The following XRN1 variants were observed in gnomAD, a reference collection of about 807,000 sequenced individuals.
XRN1 encodes the protein 5'-3' exoribonuclease 1, also known as strand-exchange protein 1 homolog.
XRN1 carries 67 observed loss-of-function variants against 222.3 expected under a neutral mutation model. The observed-to-expected ratio is 0.30, with a 90% CI of 0.25 to 0.37. The LOEUF (loss-of-function observed/expected upper bound fraction) is 0.37, where lower values mean the gene tolerates loss of function less well. Ranked by LOEUF, XRN1 falls within the 10% of genes least tolerant of loss-of-function variation. XRN1 has a pLI of 1.00. For missense variants in XRN1, 1,707 were observed against 2,000.2 expected, an observed-to-expected ratio of 0.85 and a Z score of 2.80; for synonymous variants, 643 against 652.4, an observed-to-expected ratio of 0.99 and a Z score of 0.22.
At chr3:142,433,056 T>C (rs1295579784) in intron 1 of XRN1, among the ~76,000 whole-genome samples, 163 bp from the exon 2 acceptor site, 2 of 152,166 alleles carry the variant, frequency 1.3e-5, no homozygotes, top group Non-Finnish European at 2.9e-5. Context: ...AAGTAAAGAA[T>C]TGGTAATATG....
At chr3:142,389,934 GA>G (rs1203186947) in intron 20 of XRN1, among the ~76,000 whole-genome samples, 1 of 152,216 alleles carries the variant, frequency 6.6e-6, no homozygotes, top group Non-Finnish European at 1.5e-5. Context: ...TTGCATGTGT[GA>G]AAACATTATC....
chr3:142,425,181 C>T (rs2069195189), intron 5 of XRN1, 41 bp downstream of exon 5: 1 of 1,341,726 alleles, frequency 7.5e-7, no homozygotes, highest in Admixed American at 2.5e-5. Context: ...AGATATTTAA[C>T]TATCAATGCA....
intron 22 of XRN1, 91 bp from the exon 23 acceptor site, chr3:142,380,271 G>C: frequency 9.5e-7 from 1 of 1,050,752 alleles, no homozygotes; most frequent in Non-Finnish European, 1.4e-6. Flanking sequence ...AATACAGTAT[G>C]ACAAGTTGGA....
At chr3:142,348,576 C>T (rs1175023549) in intron 32 of XRN1, among the ~76,000 whole-genome samples, 1 of 152,160 alleles carries the variant, frequency 6.6e-6, no homozygotes, top group Admixed American at 6.5e-5. Context: ...GAAGTGGAGG[C>T]TAGAGAAGGT....
At chr3:142,395,384 C>T (rs2067890539) in intron 20 of XRN1, among the ~76,000 whole-genome samples, 1 of 152,234 alleles carries the variant, frequency 6.6e-6, no homozygotes, top group Non-Finnish European at 1.5e-5. Context: ...ACAGGACAGC[C>T]TGAATTGGCA....
rs113215937 is a variant in XRN1, at chr3:142,406,090, T to C, written c.1714-1014A>G. 2.4e-3 allele frequency among the ~76,000 whole-genome samples: 358 copies of C among 151,890 alleles called. 1 individual carries two copies. Among genetic ancestry groups the C allele is most frequent in the African/African-American group, 7.9e-3 (328 of 41,424 alleles). Reference sequence around the variant, plus strand: ...AAGAAAGAGAAATGGGGAGAGAATATAAACAAGCAAATTACAAAAGAGAAA... The same window carrying C: ...AAGAAAGAGAAATGGGGAGAGAATACAAACAAGCAAATTACAAAAGAGAAA... On this transcript the variant is annotated intron_variant, in intron 15 of 40. Coordinates refer to ENST00000392981, the MANE Select transcript of XRN1 (RefSeq NM_001282857.2).
At chr3:142,425,406 T>C in intron 4 of XRN1, 23 bp downstream of exon 4, 1 of 1,585,430 alleles carries the variant, frequency 6.3e-7, no homozygotes, top group Non-Finnish European at 8.6e-7. Context: ...TTTTAAACTC[T>C]TTAAATAAAA....
At chr3:142,342,313 A>G (rs995290340) in intron 33 of XRN1, among the ~76,000 whole-genome samples, 1 of 152,230 alleles carries the variant, frequency 6.6e-6, no homozygotes, top group East Asian at 1.9e-4. Context: ...AAAGAGAAAG[A>G]TATTCCAAGG....
chr3:142,409,499 G>C (rs1454047009), intron 15 of XRN1, among the ~76,000 whole-genome samples: 2 of 152,094 alleles, frequency 1.3e-5, no homozygotes, highest in Non-Finnish European at 2.9e-5. Context: ...CATTTGGGTG[G>C]ACTATTTCTG....
intron 37 of XRN1, among the ~76,000 whole-genome samples, chr3:142,321,923 C>T (rs1330191608): frequency 6.6e-6 from 1 of 152,144 alleles, no homozygotes; most frequent in Non-Finnish European, 1.5e-5. Flanking sequence ...TACTGCTTTA[C>T]TTCTTCCCTT....
At position 142,412,676 on chromosome 3, in the gene XRN1, G is replaced by A. The variant is rs2108067703; in HGVS notation, c.1594-13C>T. 6.5e-7 allele frequency: 1 copy of A among 1,539,600 alleles called. No homozygotes were observed. ...TGGTCATCAAATGCTGTGAAAATAT[G>A]AAATAGTATAATAGAAATATAAGAA... is the stretch of plus-strand genomic sequence containing the variant. On this transcript the variant is annotated splice_polypyrimidine_tract_variant and intron_variant, in intron 14 of 40. Transcript: ENST00000392981.
At chr3:142,349,512 A>G (rs991342383) in intron 32 of XRN1, among the ~76,000 whole-genome samples, 4 of 151,740 alleles carry the variant, frequency 2.6e-5, no homozygotes, top group African/African-American at 7.3e-5. Flanking sequence ...AAATAATATA[A>G]TATTATTATT....
At chr3:142,335,304 G>A in intron 34 of XRN1, 144 bp downstream of exon 34, 1 of 704,270 alleles carries the variant, frequency 1.4e-6, no homozygotes, top group South Asian at 1.8e-5. Flanking sequence ...CCATCCAAGT[G>A]ACTGTCAGCT....
chr3:142,318,695 C>T lies in XRN1; in HGVS notation c.4519-1G>A. ...AAGGGAAATTCATGCCTAAGGAGCC[C>T]TGTGGAAGTATTTAAAAGTTACAAG... is the stretch of plus-strand genomic sequence containing the variant. On this transcript the variant is annotated splice_acceptor_variant, in intron 38 of 40. Transcript: ENST00000392981. LOFTEE classifies it high-confidence loss of function. 6.2e-7 allele frequency: 1 copy of T among 1,609,588 alleles called. No individual in the cohort carries two copies. Among genetic ancestry groups the T allele is most frequent in the Non-Finnish European group, 8.5e-7 (1 of 1,177,908 alleles).
intron 26 of XRN1, 60 bp from the exon 27 acceptor site, chr3:142,370,680 T>C (rs562404835): frequency 7.1e-7 from 1 of 1,408,424 alleles, no homozygotes; most frequent in East Asian, 2.5e-5. Flanking sequence ...CTATAAATTA[T>C]AAAAGACATA....
At chr3:142,394,841 T>C (rs1440159462) in intron 20 of XRN1, among the ~76,000 whole-genome samples, 1 of 152,244 alleles carries the variant, frequency 6.6e-6, no homozygotes, top group Non-Finnish European at 1.5e-5. Flanking sequence ...AAAAAAAATT[T>C]GTTACACAGG....
intron 33 of XRN1, among the ~76,000 whole-genome samples, chr3:142,340,734 A>G (rs935755623): frequency 1.3e-5 from 2 of 152,232 alleles, no homozygotes; most frequent in Non-Finnish European, 2.9e-5. Context: ...CAGACTTTTC[A>G]GTGGAAATCT....
chr3:142,378,208 G>A (rs1251185805), intron 23 of XRN1, among the ~76,000 whole-genome samples: 1 of 152,168 alleles, frequency 6.6e-6, no homozygotes, highest in African/African-American at 2.4e-5. Flanking sequence ...GAAAGCCACT[G>A]GAAATTTTTG....
At chr3:142,343,832 C>T (rs1003776018) in intron 33 of XRN1, among the ~76,000 whole-genome samples, 1 of 152,062 alleles carries the variant, frequency 6.6e-6, no homozygotes, top group Non-Finnish European at 1.5e-5. Context: ...TGGAAACAAC[C>T]TAAGTGTCCA....
Sources: gnomAD v4.1 joint callset for allele counts (sites outside exome capture counted in the v4.1 genomes callset) on GRCh38, gnomAD v4.1.1 for gene constraint, MANE v1.5 for transcripts, NCBI Gene and HGNC (gene_info 2026-07-23, HGNC 2026-07-21) for gene names.